Variants in NEK11 observed in about 807,000 individuals in gnomAD.
NEK11 encodes NIMA related kinase 11.
A neutral mutation model predicts 80.7 loss-of-function variants in NEK11; 72 were observed. The observed-to-expected ratio is 0.89, with a 90% confidence interval of 0.74 to 1.08. The LOEUF (loss-of-function observed/expected upper bound fraction) is 1.08, where lower values mean the gene tolerates loss of function less well. NEK11 is among the 50% of genes least tolerant of loss of function. The pLI is 0.00. For synonymous variants in NEK11, 251 were observed against 260.7 expected, an observed-to-expected ratio of 0.96 and a Z score of 0.36; for missense variants, 764 against 763.6, an observed-to-expected ratio of 1.00 and a Z score of -0.01.
intron 17 of NEK11, among the ~76,000 whole-genome samples, chr3:131,295,049 T>A (rs188733019): frequency 8.5e-5 from 13 of 152,312 alleles, no homozygotes; most frequent in Admixed American, 7.2e-4. Flanking sequence ...TTCTGTCTTT[T>A]AATTGGTACA....
chr3:131,235,762 G>A (rs1234550390), intron 15 of NEK11, among the ~76,000 whole-genome samples: 1 of 152,144 alleles, frequency 6.6e-6, no homozygotes, highest in Non-Finnish European at 1.5e-5. Flanking sequence ...AGAAGACTAT[G>A]AAACAGACAG....
intron 17 of NEK11, among the ~76,000 whole-genome samples, chr3:131,311,540 C>T (rs2096782476): frequency 6.6e-6 from 1 of 152,352 alleles, no homozygotes; most frequent in South Asian, 2.1e-4. Context: ...ATCATTAATG[C>T]TGCCTACTCT....
chr3:131,312,037 C>CA (rs2096787338), intron 17 of NEK11, among the ~76,000 whole-genome samples: 1 of 152,234 alleles, frequency 6.6e-6, no homozygotes, highest in South Asian at 2.1e-4. Context: ...AACCAGGCCA[C>CA]AGTCACCCAA....
At chr3:131,348,784 C>A (rs899528838) in intron 17 of NEK11, among the ~76,000 whole-genome samples, 1 of 151,724 alleles carries the variant, frequency 6.6e-6, no homozygotes, top group African/African-American at 2.4e-5. Flanking sequence ...GGCCAAATAA[C>A]TTTACCCCTT....
chr3:131,226,251 T>C (rs1327276260), intron 14 of NEK11, among the ~76,000 whole-genome samples: 1 of 152,186 alleles, frequency 6.6e-6, no homozygotes, highest in African/African-American at 2.4e-5. Flanking sequence ...ACTGGAGATC[T>C]CTCAGGAGAT....
intron 7 of NEK11, among the ~76,000 whole-genome samples, chr3:131,141,179 G>A (rs1033540971): frequency 1.3e-5 from 2 of 152,052 alleles, no homozygotes; most frequent in Non-Finnish European, 2.9e-5. Flanking sequence ...GGGAAGAGAC[G>A]TGAAGACATG....
intron 14 of NEK11, among the ~76,000 whole-genome samples, chr3:131,187,257 A>T (rs2093635395): frequency 6.6e-6 from 1 of 152,216 alleles, no homozygotes; most frequent in Non-Finnish European, 1.5e-5. Flanking sequence ...TGGTTAGTGG[A>T]TACTGTGTTG....
intron 3 of NEK11, among the ~76,000 whole-genome samples, chr3:131,071,328 T>C (rs191081762): frequency 1.5e-4 from 23 of 152,238 alleles, no homozygotes; most frequent in African/African-American, 5.5e-4. Flanking sequence ...AAGTGTATTT[T>C]CTTTTTCTTT....
chr3:131,336,549 T>C (rs1037439731), intron 17 of NEK11, among the ~76,000 whole-genome samples: 9 of 152,150 alleles, frequency 5.9e-5, no homozygotes, highest in African/African-American at 1.4e-4. Context: ...ATTCAGGACA[T>C]AGGCGTGGGC....
chr3:131,273,416 A>T, intron 16 of NEK11, 62 bp from the exon 17 acceptor site: 1 of 1,300,068 alleles, frequency 7.7e-7, no homozygotes, highest in Non-Finnish European at 1.1e-6. Flanking sequence ...TTGCCCTTGA[A>T]CATCGCCTTG....
chr3:131,215,262 G>A lies in NEK11; in HGVS notation c.1400-13266G>A, dbSNP rs1249394424. Among the ~76,000 whole-genome samples the A allele has an allele frequency of 9.7e-5, 13 of 134,458 alleles. No homozygotes were observed. The East Asian group carries it at 1.3e-3, about 13-fold the overall frequency. The allele number at this position is 134,458 out of a possible 152,430, so 88.2% of individuals were successfully genotyped here. A position where few individuals can be genotyped will look rare whatever the true frequency, so the allele number is the denominator to read the frequency against. On this transcript the variant is annotated intron_variant, in intron 14 of 17. Transcript: ENST00000383366. ...CACAGGAAGGGGAACATCACACACC[G>A]GGGCCTGTTGTGGGGCGGGGGGAGG...
intron 14 of NEK11, among the ~76,000 whole-genome samples, chr3:131,177,809 C>CA (rs1157050143): frequency 1.3e-5 from 2 of 152,126 alleles, no homozygotes; most frequent in Non-Finnish European, 2.9e-5. Context: ...CAACAACATA[C>CA]AAAAAACCTA....
chr3:131,297,997 G>A (rs1253286119), intron 17 of NEK11, among the ~76,000 whole-genome samples: 1 of 151,820 alleles, frequency 6.6e-6, no homozygotes, highest in Non-Finnish European at 1.5e-5. Context: ...TATTTCTGAG[G>A]GCTCTGTTCT....
At chr3:131,210,054 T>C (rs145666753) in intron 14 of NEK11, among the ~76,000 whole-genome samples, 2,545 of 152,302 alleles carry the variant, frequency 0.017, 65 homozygotes, top group African/African-American at 0.058. Flanking sequence ...CTTGTTTCTC[T>C]AGTTCTTTTA....
chr3:131,100,099 A>G (rs1201774515), intron 4 of NEK11, among the ~76,000 whole-genome samples: 3 of 152,186 alleles, frequency 2.0e-5, no homozygotes, highest in Non-Finnish European at 4.4e-5. Context: ...AGAATTCTTC[A>G]TAGATGGCTC....
intron 13 of NEK11, 77 bp from the exon 14 acceptor site, chr3:131,170,696 A>G (rs1348949056): frequency 2.5e-5 from 23 of 917,922 alleles, no homozygotes; most frequent in Non-Finnish European, 3.6e-5. Context: ...TCTTCTAAAT[A>G]AGAATATTTT....
intron 3 of NEK11, among the ~76,000 whole-genome samples, chr3:131,071,537 C>T (rs1377290186): frequency 6.6e-6 from 1 of 151,870 alleles, no homozygotes; most frequent in Non-Finnish European, 1.5e-5. Flanking sequence ...ATATCATCAC[C>T]TAAGGGAAGA....
chr3:131,060,077 G>C (rs891961106), intron 3 of NEK11, among the ~76,000 whole-genome samples: 1 of 152,146 alleles, frequency 6.6e-6, no homozygotes, highest in Non-Finnish European at 1.5e-5. Context: ...TGACTGCACA[G>C]GTACTATGCC....
chr3:131,117,434 GT>G (rs1373900228), intron 5 of NEK11, among the ~76,000 whole-genome samples: 3 of 152,106 alleles, frequency 2.0e-5, no homozygotes, highest in Non-Finnish European at 4.4e-5. Context: ...TGTTCTTTTG[GT>G]TTAGGATTGT....
Sources: gnomAD v4.1 joint callset for allele counts (sites outside exome capture counted in the v4.1 genomes callset) on GRCh38, gnomAD v4.1.1 for gene constraint, MANE v1.5 for transcripts, NCBI Gene and HGNC (gene_info 2026-07-23, HGNC 2026-07-21) for gene names.